Variants in EYA1 observed in about 807,000 individuals in gnomAD.
The protein encoded by EYA1 is protein phosphatase EYA1.
A neutral mutation model predicts 82.0 loss-of-function variants in EYA1; 16 were observed. That is an observed-to-expected ratio of 0.20 (90% confidence interval 0.13 to 0.30). EYA1 has a LOEUF of 0.30. Ranked by LOEUF, EYA1 falls within the 10% of genes least tolerant of loss-of-function variation. EYA1 has a pLI of 1.00. For synonymous variants in EYA1, 261 were observed against 264.4 expected, an observed-to-expected ratio of 0.99 and a Z score of 0.12; for missense variants, 633 against 730.7, an observed-to-expected ratio of 0.87 and a Z score of 1.54.
chr8:71,323,799 T>C (rs1056099038), intron 4 of EYA1, among the ~76,000 whole-genome samples: 2 of 152,124 alleles, frequency 1.3e-5, no homozygotes, highest in African/African-American at 4.8e-5. Context: ...CATAAAGAAC[T>C]GTGGGATGGT....
chr8:71,332,813 G>A (rs1309047343), intron 4 of EYA1, among the ~76,000 whole-genome samples: 1 of 152,148 alleles, frequency 6.6e-6, no homozygotes, highest in Non-Finnish European at 1.5e-5. Context: ...ACACACACCA[G>A]GAACCCTGAA....
chr8:71,362,308 G>C, upstream of EYA1: 1 of 632,082 alleles, frequency 1.6e-6, no homozygotes, highest in Non-Finnish European at 2.0e-6. Context: ...TTATGTAAAT[G>C]AACGCGCCCC....
intron 2 of EYA1, among the ~76,000 whole-genome samples, chr8:71,472,279 T>A (rs995583269): frequency 2.6e-5 from 4 of 152,108 alleles, no homozygotes; most frequent in African/African-American, 9.7e-5. Context: ...ACATTTTTGT[T>A]AAAGGAAAAG....
chr8:71,353,071 A>C (rs1826464596), intron 3 of EYA1, among the ~76,000 whole-genome samples: 1 of 152,218 alleles, frequency 6.6e-6, no homozygotes, highest in Admixed American at 6.5e-5. Context: ...ATTTTAACAT[A>C]CTTAGTCTTC....
At chr8:71,240,016 A>C (rs1463266818) in intron 12 of EYA1, among the ~76,000 whole-genome samples, 1 of 152,238 alleles carries the variant, frequency 6.6e-6, no homozygotes, top group Non-Finnish European at 1.5e-5. Flanking sequence ...CTAGCTAAAA[A>C]TAAACATAAA....
chr8:71,238,611 A>T (rs1206820918), intron 12 of EYA1, among the ~76,000 whole-genome samples: 1 of 152,050 alleles, frequency 6.6e-6, no homozygotes, highest in Non-Finnish European at 1.5e-5. Context: ...AACTACCGCT[A>T]TTTTAAATTA....
intron 6 of EYA1, 95 bp from the exon 7 acceptor site, chr8:71,317,784 G>C (rs1322078174): frequency 6.0e-6 from 7 of 1,169,708 alleles, no homozygotes; most frequent in African/African-American, 1.5e-5. Context: ...AACTACAAAT[G>C]CTTCCCCAAT....
chr8:71,214,385 C>T (rs927774647), intron 16 of EYA1, among the ~76,000 whole-genome samples: 1 of 152,130 alleles, frequency 6.6e-6, no homozygotes, highest in Non-Finnish European at 1.5e-5. Context: ...TCTCACTAGC[C>T]CATCTACCTG....
At chr8:71,245,697 C>G (rs1585974194) in intron 11 of EYA1, among the ~76,000 whole-genome samples, 1 of 152,114 alleles carries the variant, frequency 6.6e-6, no homozygotes. Flanking sequence ...TAATTTTAAT[C>G]TAGATAACTC....
intron 9 of EYA1, among the ~76,000 whole-genome samples, chr8:71,278,558 C>T (rs12678863): frequency 1.3e-5 from 2 of 151,950 alleles, no homozygotes; most frequent in Non-Finnish European, 2.9e-5. Context: ...AATTATATTC[C>T]CTCTGTGAAC....
chr8:71,537,156 T>C (rs1379042836), intron 1 of EYA1, among the ~76,000 whole-genome samples: 1 of 152,200 alleles, frequency 6.6e-6, no homozygotes, highest in African/African-American at 2.4e-5. Context: ...ACTGTCAACA[T>C]AAAGTTGATG....
At chr8:71,211,886 G>A (rs767018921) in intron 16 of EYA1, among the ~76,000 whole-genome samples, 10 of 152,148 alleles carry the variant, frequency 6.6e-5, no homozygotes, top group Non-Finnish European at 1.2e-4. Context: ...GCAGCAAGAT[G>A]GTACCTGCCT....
At chr8:71,428,306 T>C (rs2129157773) in intron 2 of EYA1, among the ~76,000 whole-genome samples, 1 of 152,328 alleles carries the variant, frequency 6.6e-6, no homozygotes, top group South Asian at 2.1e-4. Context: ...AAAACAATGC[T>C]ACCAACCTAT....
At chr8:71,529,202 T>C (rs183439456) in intron 2 of EYA1, among the ~76,000 whole-genome samples, 1 of 152,306 alleles carries the variant, frequency 6.6e-6, no homozygotes, top group East Asian at 1.9e-4. Flanking sequence ...CTATGCCTAA[T>C]TGCCTTCCCA....
intron 2 of EYA1, among the ~76,000 whole-genome samples, chr8:71,444,323 G>A (rs1806677384): frequency 6.6e-6 from 1 of 152,204 alleles, no homozygotes; most frequent in Admixed American, 6.5e-5. Flanking sequence ...AGAAAGACAT[G>A]TGGGGACACA....
At chr8:71,459,121 T>C (rs534087717) in intron 2 of EYA1, among the ~76,000 whole-genome samples, 8 of 152,206 alleles carry the variant, frequency 5.3e-5, no homozygotes, top group Middle Eastern at 3.2e-3. Flanking sequence ...TAAGATACTT[T>C]ACACATTTCT....
chr8:71,477,018 T>G (rs975311299), intron 2 of EYA1, among the ~76,000 whole-genome samples: 2 of 151,996 alleles, frequency 1.3e-5, no homozygotes, highest in Non-Finnish European at 2.9e-5. Flanking sequence ...CAATTGGATA[T>G]CCTCATGCAA....
chr8:71,408,693 C>A (rs1214345399), intron 2 of EYA1, among the ~76,000 whole-genome samples: 1 of 119,716 alleles, frequency 8.4e-6, no homozygotes, highest in South Asian at 3.0e-4. Context: ...TATATATGCA[C>A]CCAATACAGG....
chr8:71,277,330 T>C (rs1817322643), intron 9 of EYA1, among the ~76,000 whole-genome samples: 1 of 151,820 alleles, frequency 6.6e-6, no homozygotes, highest in Non-Finnish European at 1.5e-5. Context: ...AAAAAATCTT[T>C]TGTAGAGATG....
Sources: allele counts gnomAD v4.1 joint callset (sites outside exome capture counted in the v4.1 genomes callset), GRCh38; gene constraint gnomAD v4.1.1; transcripts MANE v1.5; gene names NCBI Gene and HGNC (gene_info 2026-07-23, HGNC 2026-07-21).